Variants in RIPK1 observed in about 807,000 individuals in gnomAD.
The protein encoded by RIPK1 is receptor interacting serine/threonine kinase 1, also known as receptor-interacting serine/threonine-protein kinase 1.
Under a neutral mutation model 62.4 loss-of-function variants are expected in RIPK1, and 27 were observed. The observed-to-expected ratio is 0.43, with a 90% CI of 0.32 to 0.60. RIPK1 has a LOEUF of 0.60. Ranked by LOEUF, RIPK1 falls within the 20% of genes least tolerant of loss-of-function variation. The pLI is 0.07. For synonymous variants in RIPK1, 287 were observed against 303.2 expected (o/e 0.95, Z 0.55); for missense variants, 735 against 831.0 (o/e 0.88, Z 1.42).
At chr6:3,070,842 TC>T (rs1758674990) in intron 1 of RIPK1, among the ~76,000 whole-genome samples, 1 of 152,248 alleles carries the variant, frequency 6.6e-6, no homozygotes, top group Non-Finnish European at 1.5e-5. Context: ...TCTGGATTTT[TC>T]CGAAGACAGA....
chr6:3,090,477 A>G (rs1322741289), intron 7 of RIPK1, among the ~76,000 whole-genome samples: 1 of 152,182 alleles, frequency 6.6e-6, no homozygotes, highest in Non-Finnish European at 1.5e-5. Context: ...AACAATCAGG[A>G]ATATTTCATA....
Position 3,068,671 on chromosome 6 carries a change from C to T in RIPK1, c.-61+10C>T. On this transcript the variant is annotated intron_variant, in intron 1 of 10. Coordinates refer to ENST00000259808, the MANE Select transcript of RIPK1 (RefSeq NM_001354930.2). ...CACGGAGAAGGGCGCGGTGAGCGGA[C>T]TGGCACCGCGCGGGGAACATTCCGG... 1.0e-6 allele frequency: 1 copy of T among 985,196 alleles called. No homozygotes were observed. Among genetic ancestry groups the T allele is most frequent in the Non-Finnish European group, 1.2e-6 (1 of 829,818 alleles). The allele number at this position is 985,196 out of a possible 1,614,324, so 61.0% of individuals were successfully genotyped here. A position where few individuals can be genotyped will look rare whatever the true frequency, so the allele number is the denominator to read the frequency against.
chr6:3,104,472 G>A (rs1760734910), intron 8 of RIPK1, among the ~76,000 whole-genome samples, 157 bp downstream of exon 8: 4 of 152,178 alleles, frequency 2.6e-5, no homozygotes, highest in African/African-American at 9.7e-5. Flanking sequence ...CGAGAGTCAA[G>A]TTACATGTAT....
At chr6:3,077,011 G>A (rs777771209) in intron 2 of RIPK1, 24 bp downstream of exon 2, 49 of 1,581,266 alleles carry the variant, frequency 3.1e-5, no homozygotes, top group Admixed American at 8.8e-5. Flanking sequence ...AGGGGTGGGT[G>A]GGCTAAGTTC....
chr6:3,077,398 AC>A lies in RIPK1; in HGVS notation c.165-379del, dbSNP rs1581386893. On this transcript the variant is annotated intron_variant, in intron 2 of 10. Transcript: ENST00000259808. Reference sequence around the variant, plus strand: ...TTCTGAGAGCCTTCCCTTTAAAGCAACCAGTAGAGTGGTTTCACCTCTCTCC... The same window carrying A: ...TTCTGAGAGCCTTCCCTTTAAAGCAACAGTAGAGTGGTTTCACCTCTCTCC... Among the ~76,000 whole-genome samples, 3 of 151,550 alleles carry A rather than the reference AC, an allele frequency of 2.0e-5. No homozygotes were observed. The East Asian group carries it at 5.8e-4, about 29-fold the overall frequency.
intron 10 of RIPK1, among the ~76,000 whole-genome samples, chr6:3,111,344 G>A (rs1761145984): frequency 6.6e-6 from 1 of 152,154 alleles, no homozygotes; most frequent in South Asian, 2.1e-4. Context: ...AAAGATAGAA[G>A]ACTGTGCCCT....
In RIPK1 at chr6:3,113,428, TC is replaced by T. The variant is rs1457067855; in HGVS notation, c.*91del. ...CTGCCTCAGAGCATTCAGAATTCTG[TC>T]CTCACTGATAGGGGTTCTGTGTCTG... On this transcript the variant is annotated 3_prime_UTR_variant, in exon 11 of 11. Transcript: ENST00000259808. The surrounding 1 kb of genome is among the most constrained non-coding windows in gnomAD (Gnocchi z 5.0). The T allele has an allele frequency of 4.8e-6, 6 of 1,259,938 alleles. No individual in the cohort carries two copies. The African/African-American group carries it at 9.0e-5, about 19-fold the overall frequency. 78.0% of individuals were successfully genotyped at this position (1,259,938 alleles called of 1,614,324 possible). A position where few individuals can be genotyped will look rare whatever the true frequency, so the allele number is the denominator to read the frequency against.
At chr6:3,078,483 C>G (rs909183127) in intron 3 of RIPK1, among the ~76,000 whole-genome samples, 2 of 152,224 alleles carry the variant, frequency 1.3e-5, no homozygotes, top group Admixed American at 1.3e-4. Flanking sequence ...ATGTGATTGG[C>G]TGTTTACCAT....
rs1761301176 is a variant in RIPK1, at chr6:3,114,169, A to C, written c.*830A>C. On this transcript the variant is annotated 3_prime_UTR_variant, in exon 11 of 11. Transcript: ENST00000259808. This position sits in a 1 kb window ranked among gnomAD's most constrained non-coding sequence, Gnocchi z 5.0. ...ACCGTGACTACAACAAAAATTCTTGATTGACTTTTAAAGTTATTTCCTGGC... is the reference window on the plus strand; with the variant it reads ...ACCGTGACTACAACAAAAATTCTTGCTTGACTTTTAAAGTTATTTCCTGGC... 1 of 152,176 alleles carries C rather than the reference A, an allele frequency of 6.6e-6. No individual in the cohort carries two copies. Among genetic ancestry groups the C allele is most frequent in the Non-Finnish European group, 1.5e-5 (1 of 68,034 alleles). 9.4% of individuals were successfully genotyped at this position (152,176 alleles called of 1,614,324 possible).
chr6:3,068,704 C>T, intron 1 of RIPK1, 43 bp downstream of exon 1: 2 of 979,586 alleles, frequency 2.0e-6, no homozygotes, highest in Non-Finnish European at 1.2e-6. Flanking sequence ...CGGAGGCCGC[C>T]GGGCTCAGTC....
intron 6 of RIPK1, 52 bp downstream of exon 6, chr6:3,085,460 C>T: frequency 6.9e-6 from 11 of 1,584,672 alleles, no homozygotes; most frequent in Admixed American, 1.7e-5. Flanking sequence ...GGTGATTTTC[C>T]TAGTAACATA....
At chr6:3,083,615 T>C (rs1463449686) in intron 5 of RIPK1, among the ~76,000 whole-genome samples, 2 of 152,162 alleles carry the variant, frequency 1.3e-5, no homozygotes, top group East Asian at 1.9e-4. Flanking sequence ...TCAAGAATTA[T>C]TTCTTTTCAG....
At chr6:3,074,221 G>A (rs941115565) in intron 1 of RIPK1, among the ~76,000 whole-genome samples, 4 of 152,134 alleles carry the variant, frequency 2.6e-5, no homozygotes, top group Non-Finnish European at 5.9e-5. Flanking sequence ...GCTCACAGGC[G>A]GCCAGTGTTC....
chr6:3,114,053 T>G lies in RIPK1; in HGVS notation c.*714T>G, dbSNP rs921172186. On this transcript the variant is annotated 3_prime_UTR_variant, in exon 11 of 11. Coordinates refer to ENST00000259808, the MANE Select transcript of RIPK1 (RefSeq NM_001354930.2). This position sits in a 1 kb window ranked among gnomAD's most constrained non-coding sequence, Gnocchi z 5.0. The stretch of plus-strand genomic sequence containing the variant: ...TTTAATGAATTGAATTTATATTGAG[T>G]CTTCAAATTAACTGAATGGATTTAA... 6 of 152,194 alleles carry G rather than the reference T, an allele frequency of 3.9e-5. No individual in the cohort carries two copies. Among genetic ancestry groups the G allele is most frequent in the East Asian group, 1.9e-4 (1 of 5,206 alleles). 9.4% of individuals were successfully genotyped at this position (152,194 alleles called of 1,614,324 possible).
At chr6:3,104,406 A>T in intron 8 of RIPK1, 91 bp downstream of exon 8, 1 of 669,462 alleles carries the variant, frequency 1.5e-6, no homozygotes, top group Non-Finnish European at 2.7e-6. Context: ...ACCATATGGG[A>T]AACAGAAGAA....
upstream of RIPK1, among the ~76,000 whole-genome samples, chr6:3,067,051 A>AT (rs36132424): frequency 0.096 from 5,688 of 59,176 alleles, 300 homozygotes; most frequent in African/African-American, 0.18. Flanking sequence ...TTGCTCCAGG[A>AT]TTTTTTTTTT....
intron 6 of RIPK1, among the ~76,000 whole-genome samples, chr6:3,087,678 TACAG>T (rs1178065797): frequency 6.6e-6 from 1 of 152,042 alleles, no homozygotes; most frequent in Non-Finnish European, 1.5e-5. Context: ...TAGCTGGGAC[TACAG>T]ACACCCGCCA....
In RIPK1 at chr6:3,077,833, C is replaced by T; in HGVS notation, c.219C>T (p.Ser73=). ...AGATGATGAACAGACTGAGACACAGCCGGGTGGTGAAGCTCCTGGGCGTCA... is the reference window on the plus strand; with the variant it reads ...AGATGATGAACAGACTGAGACACAGTCGGGTGGTGAAGCTCCTGGGCGTCA... ...EAKMMNRLRH[S]RVVKLLGVII... The change falls in exon 3 of 11, where the codon AGC becomes AGT. Residue 73 remains serine, a synonymous_variant. Transcript: ENST00000259808. The T allele has an allele frequency of 2.5e-6, 4 of 1,614,178 alleles. No individual in the cohort carries two copies. In the African/African-American group the frequency reaches 5.3e-5, roughly 22 times the overall value.
At chr6:3,066,771 AGTTT>A (rs1355169455), upstream of RIPK1, among the ~76,000 whole-genome samples, 1 of 152,124 alleles carries the variant, frequency 6.6e-6, no homozygotes, top group Non-Finnish European at 1.5e-5. Flanking sequence ...CAAAGTCCGG[AGTTT>A]GTTAGGTTTT....
Sources: gnomAD v4.1 joint callset for allele counts (sites outside exome capture counted in the v4.1 genomes callset) on GRCh38, gnomAD v4.1.1 for gene constraint, Gnocchi (gnomAD v3.1) non-coding constraint, MANE v1.5 for transcripts, NCBI Gene and HGNC (gene_info 2026-07-23, HGNC 2026-07-21) for gene names.